Variants in LRFN5 observed in about 807,000 individuals in gnomAD.
LRFN5 encodes leucine rich repeat and fibronectin type III domain containing 5.
In LRFN5, 24 loss-of-function variants were observed where a neutral mutation model predicts 45.6. The ratio of observed to expected loss-of-function variants is 0.53; its 90% CI spans 0.38 to 0.74. The LOEUF (loss-of-function observed/expected upper bound fraction) is 0.74. LRFN5 is among the 30% of genes least tolerant of loss of function. LRFN5 has a pLI of 0.00. For synonymous variants in LRFN5, 340 were observed against 313.8 expected, an observed-to-expected ratio of 1.08 and a Z score of -0.88; for missense variants, 776 against 861.5, an observed-to-expected ratio of 0.90 and a Z score of 1.24.
intron 2 of LRFN5, among the ~76,000 whole-genome samples, chr14:41,782,990 T>TTC (rs1555317743): frequency 6.6e-5 from 10 of 151,048 alleles, no homozygotes; most frequent in East Asian, 1.9e-4. Context: ...TTTTTTTTTT[T>TTC]CTATTAGATG....
At chr14:41,623,079 T>C (rs1328745328) in intron 1 of LRFN5, among the ~76,000 whole-genome samples, 1 of 151,990 alleles carries the variant, frequency 6.6e-6, no homozygotes, top group East Asian at 1.9e-4. Context: ...AGAGCCTCTG[T>C]TTCAGTATAA....
chr14:41,852,412 T>C (rs1378808510), intron 2 of LRFN5, among the ~76,000 whole-genome samples: 1 of 151,932 alleles, frequency 6.6e-6, no homozygotes, highest in Non-Finnish European at 1.5e-5. Context: ...ATTTTCCTTT[T>C]ATATATTGAT....
chr14:41,833,673 T>C (rs1393361982), intron 2 of LRFN5, among the ~76,000 whole-genome samples: 1 of 152,214 alleles, frequency 6.6e-6, no homozygotes, highest in African/African-American at 2.4e-5. Flanking sequence ...CTGAACAGGA[T>C]GTGTGTATTC....
At chr14:41,696,441 G>A (rs539010411) in intron 1 of LRFN5, among the ~76,000 whole-genome samples, 1 of 151,912 alleles carries the variant, frequency 6.6e-6, no homozygotes, top group South Asian at 2.1e-4. Context: ...GAAATATTTT[G>A]TATATTCGTA....
chr14:41,728,189 G>A (rs1334673122), intron 1 of LRFN5, among the ~76,000 whole-genome samples: 3 of 152,082 alleles, frequency 2.0e-5, no homozygotes, highest in African/African-American at 7.2e-5. Context: ...AACTTGGCCA[G>A]GTCAGCAATC....
chr14:41,802,824 GA>G (rs1887384861), intron 2 of LRFN5, among the ~76,000 whole-genome samples: 1 of 152,070 alleles, frequency 6.6e-6, no homozygotes, highest in South Asian at 2.1e-4. Context: ...GAAGTGGGAA[GA>G]ATATATCTAA....
At chr14:41,856,678 T>A (rs10146681) in intron 2 of LRFN5, among the ~76,000 whole-genome samples, 517 of 3,748 alleles carry the variant, frequency 0.14, 27 homozygotes, top group African/African-American at 0.21. Flanking sequence ...TATTATTATT[T>A]TTTTTTTTTT....
chr14:41,682,276 A>G (rs922295451), intron 1 of LRFN5, among the ~76,000 whole-genome samples: 6 of 151,990 alleles, frequency 3.9e-5, no homozygotes, highest in Non-Finnish European at 5.9e-5. Flanking sequence ...AATAATTATG[A>G]CAACAACGAC....
chr14:41,677,554 A>C (rs1156510468), intron 1 of LRFN5, among the ~76,000 whole-genome samples: 2 of 152,170 alleles, frequency 1.3e-5, no homozygotes, highest in East Asian at 3.8e-4. Flanking sequence ...AAGAGATGCA[A>C]CTTGTTTGAA....
At chr14:41,725,302 G>C (rs1333362003) in intron 1 of LRFN5, among the ~76,000 whole-genome samples, 2 of 152,176 alleles carry the variant, frequency 1.3e-5, no homozygotes, top group African/African-American at 4.8e-5. Context: ...TGGAATCCTT[G>C]CTTTAACTCT....
chr14:41,746,035 G>A (rs562608474), intron 1 of LRFN5, among the ~76,000 whole-genome samples: 9 of 151,922 alleles, frequency 5.9e-5, no homozygotes, highest in South Asian at 2.1e-4. Context: ...CAAAGTCAAA[G>A]GAAGATAATA....
At chr14:41,893,192 A>G (rs982300378) in intron 4 of LRFN5, 1 of 980,284 alleles carries the variant, frequency 1.0e-6, no homozygotes. Flanking sequence ...CTTAGTGAGA[A>G]TACATAATTT....
chr14:41,840,664 A>T (rs1481054484), intron 2 of LRFN5, among the ~76,000 whole-genome samples: 10 of 152,012 alleles, frequency 6.6e-5, no homozygotes, highest in African/African-American at 2.4e-4. Context: ...TTAAGTAGGG[A>T]AAATTGTAAC....
intron 1 of LRFN5, among the ~76,000 whole-genome samples, chr14:41,643,910 A>G (rs1290658527): frequency 6.6e-6 from 1 of 152,180 alleles, no homozygotes; most frequent in Non-Finnish European, 1.5e-5. Flanking sequence ...CTCAAAGTGA[A>G]TTCTTTACTA....
intron 2 of LRFN5, among the ~76,000 whole-genome samples, chr14:41,785,567 G>T (rs1886689184): frequency 6.6e-6 from 1 of 152,098 alleles, no homozygotes; most frequent in Non-Finnish European, 1.5e-5. Flanking sequence ...TTCGTGGAAG[G>T]TGATTTTTCC....
intron 2 of LRFN5, among the ~76,000 whole-genome samples, chr14:41,865,330 G>T (rs897162535): frequency 9.2e-5 from 14 of 152,030 alleles, no homozygotes; most frequent in African/African-American, 3.4e-4. Context: ...ATTATATGCA[G>T]TATTTTTTGA....
In LRFN5 at chr14:41,887,040, T is replaced by C. The variant is rs1344910435; in HGVS notation, c.415T>C (p.Ser139Pro). Reference sequence around the variant, plus strand: ...GAACAACAATCAGCTGACTTTAATTTCCTCTACAGCGTTTGATGATGTCTT... The same window carrying C: ...GAACAACAATCAGCTGACTTTAATTCCCTCTACAGCGTTTGATGATGTCTT... ...ILNNNQLTLI[S>P]STAFDDVFAL... The change falls in exon 3 of 6, where the codon TCC (serine) becomes CCC (proline). Residue 139 changes from serine (S) to proline (P), a missense_variant. Physicochemically the swap from Ser to Pro is moderately conservative, Grantham distance 74 (BLOSUM62 -1). Around this residue, in one of 2 missense-constraint regions of LRFN5, gnomAD observed 311 missense variants for 405.1 expected, o/e 0.77. Transcript: ENST00000298119. This position sits in a 1 kb window ranked among gnomAD's most constrained non-coding sequence, Gnocchi z 4.8. 1.2e-6 allele frequency: 2 copies of C among 1,614,168 alleles called. No homozygotes were observed. The highest frequency in any genetic ancestry group is 1.1e-5 in the South Asian group (1 of 91,086).
At chr14:41,846,425 T>C (rs1889070331) in intron 2 of LRFN5, among the ~76,000 whole-genome samples, 1 of 152,088 alleles carries the variant, frequency 6.6e-6, no homozygotes, top group African/African-American at 2.4e-5. Context: ...TGTATAGCAA[T>C]GAAAGTGAAA....
chr14:41,734,467 A>G (rs1379949730), intron 1 of LRFN5, among the ~76,000 whole-genome samples: 2 of 150,132 alleles, frequency 1.3e-5, no homozygotes, highest in African/African-American at 4.9e-5. Context: ...AAGTATAGCT[A>G]TCTAGCTACC....
Sources: allele counts gnomAD v4.1 joint callset (sites outside exome capture counted in the v4.1 genomes callset), GRCh38; gene constraint gnomAD v4.1.1; regional missense constraint gnomAD v4.1.1; non-coding constraint Gnocchi (gnomAD v3.1); transcripts MANE v1.5; gene names NCBI Gene and HGNC (gene_info 2026-07-23, HGNC 2026-07-21).